Variants in SETBP1 observed in about 807,000 individuals in gnomAD.
The protein encoded by SETBP1 is SET binding protein 1.
In SETBP1, 9 loss-of-function variants were observed where a neutral mutation model predicts 101.0. The observed-to-expected ratio is 0.09, with a 90% CI of 0.05 to 0.16. The LOEUF is 0.16. Ranked by LOEUF, SETBP1 falls within the 10% of genes least tolerant of loss-of-function variation. The pLI, the probability that SETBP1 is intolerant of heterozygous loss-of-function variation, is 1.00. For synonymous variants in SETBP1, 818 were observed against 788.5 expected, an observed-to-expected ratio of 1.04 and a Z score of -0.63; for missense variants, 1,858 against 2,033.8, an observed-to-expected ratio of 0.91 and a Z score of 1.66.
chr18:44,692,541 A>G (rs551609923), intron 1 of SETBP1, among the ~76,000 whole-genome samples: 5 of 152,338 alleles, frequency 3.3e-5, no homozygotes, highest in African/African-American at 7.2e-5. Context: ...CATTTAAAAT[A>G]TAGCCCTTGT....
At chr18:44,941,955 G>A (rs2071098399) in intron 3 of SETBP1, among the ~76,000 whole-genome samples, 1 of 152,038 alleles carries the variant, frequency 6.6e-6, no homozygotes, top group African/African-American at 2.4e-5. Context: ...CTGATTGTGG[G>A]TCCCATTTGC....
chr18:44,958,068 T>G (rs928476105), intron 4 of SETBP1, among the ~76,000 whole-genome samples: 15 of 152,198 alleles, frequency 9.9e-5, no homozygotes, highest in Admixed American at 4.6e-4. Context: ...TTTTTGACTT[T>G]CAGTTTTCCA....
rs1029744724 is a variant in SETBP1, at chr18:44,994,289, A to T, written c.4000+40949A>T. On this transcript the variant is annotated intron_variant, in intron 4 of 5. Coordinates refer to ENST00000649279, the MANE Select transcript of SETBP1 (RefSeq NM_015559.3). ...AGGAAAATTATAATCAGATTATAGG[A>T]TTACTCTTGTAATCCAGGAAAATTA... Among the ~76,000 whole-genome samples, 7 of 152,170 alleles carry T rather than the reference A, an allele frequency of 4.6e-5. No homozygotes were observed. In the East Asian group the frequency reaches 5.8e-4, roughly 13 times the overall value.
chr18:44,777,214 G>A (rs564353414), intron 2 of SETBP1, among the ~76,000 whole-genome samples: 2 of 152,246 alleles, frequency 1.3e-5, no homozygotes, highest in Admixed American at 1.3e-4. Flanking sequence ...CTACTCGGGA[G>A]GCTGAGGCAG....
intron 4 of SETBP1, among the ~76,000 whole-genome samples, chr18:45,014,718 C>T (rs1004820535): frequency 6.6e-6 from 1 of 152,126 alleles, no homozygotes; most frequent in Non-Finnish European, 1.5e-5. Flanking sequence ...CTACCACCTA[C>T]TAGTTGTGGT....
intron 3 of SETBP1, among the ~76,000 whole-genome samples, chr18:44,941,722 C>G (rs900574611): frequency 2.0e-5 from 3 of 148,614 alleles, no homozygotes; most frequent in African/African-American, 7.4e-5. Flanking sequence ...CTCAACTTCT[C>G]TTTTGCAATG....
At chr18:44,834,485 C>T (rs16978192) in intron 2 of SETBP1, among the ~76,000 whole-genome samples, 4,745 of 152,096 alleles carry the variant, frequency 0.031, 246 homozygotes, top group African/African-American at 0.11. Context: ...GTTTGTCAAG[C>T]AGGAAGAGTA....
intron 3 of SETBP1, among the ~76,000 whole-genome samples, chr18:44,943,620 T>G (rs2071134050): frequency 6.6e-6 from 1 of 152,206 alleles, no homozygotes; most frequent in African/African-American, 2.4e-5. Flanking sequence ...TTACAAAACT[T>G]CCTAGCTGAT....
At position 44,821,832 on chromosome 18, in the gene SETBP1, G is replaced by C. The variant is rs111450119; in HGVS notation, c.487-47398G>C. ...CCTCAGAATCAGAGCTGTTTAGCAA[G>C]GACCTGGGTCTCCTTGGTGTACCTG... On this transcript the variant is annotated intron_variant, in intron 2 of 5. Coordinates refer to ENST00000649279, the MANE Select transcript of SETBP1 (RefSeq NM_015559.3). 5.1e-3 allele frequency among the ~76,000 whole-genome samples: 779 copies of C among 152,318 alleles called. 2 individuals are homozygous for C. The highest frequency in any genetic ancestry group is 0.018 in the African/African-American group (754 of 41,560).
chr18:44,834,355 A>G (rs2072445940), intron 2 of SETBP1, among the ~76,000 whole-genome samples: 1 of 152,220 alleles, frequency 6.6e-6, no homozygotes, highest in Non-Finnish European at 1.5e-5. Context: ...ATAAGTCAAG[A>G]CATGGCACCT....
intron 4 of SETBP1, among the ~76,000 whole-genome samples, chr18:44,982,470 G>C (rs1026273284): frequency 6.6e-6 from 1 of 152,142 alleles, no homozygotes; most frequent in South Asian, 2.1e-4. Flanking sequence ...GCTCTGGTTC[G>C]ACTTGCATTT....
chr18:44,776,332 G>A (rs2071002749), intron 2 of SETBP1, among the ~76,000 whole-genome samples: 1 of 152,142 alleles, frequency 6.6e-6, no homozygotes, highest in Non-Finnish European at 1.5e-5. Context: ...CCATAGCACA[G>A]CCCATATGGA....
At chr18:45,038,976 A>G (rs2145496960) in intron 5 of SETBP1, among the ~76,000 whole-genome samples, 1 of 152,330 alleles carries the variant, frequency 6.6e-6, no homozygotes, top group Non-Finnish European at 1.5e-5. Context: ...CTCTGCATCA[A>G]GGGCCTTATA....
chr18:44,825,237 A>T (rs1295663856), intron 2 of SETBP1, among the ~76,000 whole-genome samples: 3 of 152,238 alleles, frequency 2.0e-5, no homozygotes, highest in African/African-American at 4.8e-5. Flanking sequence ...TTAGGGGGAA[A>T]GCAAAGCAGA....
intron 2 of SETBP1, among the ~76,000 whole-genome samples, chr18:44,709,812 A>ATTTTTT (rs35610551): frequency 8.2e-6 from 1 of 121,598 alleles, no homozygotes; most frequent in Admixed American, 8.7e-5. Flanking sequence ...ATCACTAATG[A>ATTTTTT]TTTTTTTTTT....
At chr18:44,708,400 G>C (rs185065833) in intron 2 of SETBP1, among the ~76,000 whole-genome samples, 1 of 152,274 alleles carries the variant, frequency 6.6e-6, no homozygotes, top group Non-Finnish European at 1.5e-5. Context: ...TACACAAGAG[G>C]TTGAATTTCC....
chr18:44,875,527 CAAAAAAA>C (rs10645515), intron 3 of SETBP1, among the ~76,000 whole-genome samples: 3 of 61,616 alleles, frequency 4.9e-5, no homozygotes, highest in African/African-American at 7.3e-5. Flanking sequence ...GACTCCATCT[CAAAAAAA>C]AAAAAAAAAA....
chr18:44,722,536 G>A (rs921091085), intron 2 of SETBP1, among the ~76,000 whole-genome samples: 5 of 152,202 alleles, frequency 3.3e-5, no homozygotes, highest in Non-Finnish European at 5.9e-5. Context: ...TAATTCTACA[G>A]TGTTTATGGG....
intron 2 of SETBP1, among the ~76,000 whole-genome samples, chr18:44,845,092 T>C (rs185932683): frequency 1.9e-3 from 285 of 152,294 alleles, no homozygotes; most frequent in African/African-American, 5.9e-3. Flanking sequence ...CCTTTCACTA[T>C]GGGGTGATTG....
Sources: gnomAD v4.1 joint callset for allele counts (sites outside exome capture counted in the v4.1 genomes callset) on GRCh38, gnomAD v4.1.1 for gene constraint, MANE v1.5 for transcripts, NCBI Gene and HGNC (gene_info 2026-07-23, HGNC 2026-07-21) for gene names.